Variants in WWOX observed in about 807,000 individuals in gnomAD.
WWOX encodes the protein WW domain containing oxidoreductase.
Under a neutral mutation model 46.2 loss-of-function variants are expected in WWOX, and 69 were observed. That is an observed-to-expected ratio of 1.49 (90% CI 1.23 to 1.82). The LOEUF is 1.82. Among genes scored for constraint, WWOX ranks in the 40% most tolerant of loss-of-function variants. The probability of loss-of-function intolerance (pLI) is 0.00; values close to 1 mark genes in which losing one functional copy is unlikely to be tolerated. For missense variants in WWOX, 919 were observed against 542.6 expected, an observed-to-expected ratio of 1.69 and a Z score of -6.89; for synonymous variants, 359 against 202.6, an observed-to-expected ratio of 1.77 and a Z score of -6.56.
At chr16:78,541,719 T>C (rs993894586) in intron 8 of WWOX, among the ~76,000 whole-genome samples, 5 of 151,900 alleles carry the variant, frequency 3.3e-5, no homozygotes, top group Non-Finnish European at 7.4e-5. Context: ...CAGGTCCTTA[T>C]CTGTAAGGTG....
At position 78,254,502 on chromosome 16, in the gene WWOX, G is replaced by GTTTTTTTTTTTTTTTTT. The variant is rs59706959; in HGVS notation, c.516+90214_516+90230dup. ...CACTTTTCTTTTTCTTTTCTTTCTT[G>GTTTTTTTTTTTTTTTTT]TTTTTTTTTTTTTTTTTGTTTGACA... On this transcript the variant is annotated intron_variant, in intron 5 of 8. Transcript: ENST00000566780. Among the ~76,000 whole-genome samples the GTTTTTTTTTTTTTTTTT allele has an allele frequency of 2.1e-4, 19 of 91,644 alleles. 1 individual carries two copies. The highest frequency in any genetic ancestry group is 9.3e-4 in the African/African-American group (18 of 19,280). 60.1% of individuals were successfully genotyped at this position (91,644 alleles called of 152,430 possible).
At chr16:78,342,826 C>T (rs898578304) in intron 5 of WWOX, among the ~76,000 whole-genome samples, 2 of 120,292 alleles carry the variant, frequency 1.7e-5, no homozygotes, top group East Asian at 1.9e-4. Flanking sequence ...ACCGAGGTGT[C>T]GGAGTAGCAG....
intron 6 of WWOX, among the ~76,000 whole-genome samples, chr16:78,399,290 C>T (rs1462388778): frequency 6.6e-6 from 1 of 152,120 alleles, no homozygotes; most frequent in South Asian, 2.1e-4. Context: ...TTGATACCTC[C>T]TTGGGTGGCA....
intron 8 of WWOX, among the ~76,000 whole-genome samples, chr16:79,141,143 C>T (rs886557124): frequency 2.6e-5 from 4 of 152,164 alleles, no homozygotes; most frequent in Non-Finnish European, 4.4e-5. Flanking sequence ...AAATACATAT[C>T]GGATTGCCTC....
chr16:78,192,582 A>G (rs1179273560), intron 5 of WWOX, among the ~76,000 whole-genome samples: 1 of 152,142 alleles, frequency 6.6e-6, no homozygotes, highest in Non-Finnish European at 1.5e-5. Flanking sequence ...TATGTGGCAC[A>G]CATTATAGTG....
Position 78,710,473 on chromosome 16 carries a change from CATATATATAT to C in WWOX, c.1056+277738_1056+277747del, listed in dbSNP as rs544025863. Among the ~76,000 whole-genome samples the C allele has an allele frequency of 8.2e-4, 52 of 63,622 alleles. 3 individuals are homozygous for C. The highest frequency in any genetic ancestry group is 0.016 in the Middle Eastern group (2 of 124). 41.7% of individuals were successfully genotyped at this position (63,622 alleles called of 152,430 possible). ...TGATGCAATTAAAGCTAATGGATCT[CATATATATAT>C]ATATATATATATATATTTATATAAA... On this transcript the variant is annotated intron_variant, in intron 8 of 8. Coordinates refer to ENST00000566780, the MANE Select transcript of WWOX (RefSeq NM_016373.4).
chr16:79,051,644 C>G (rs1209275518), intron 8 of WWOX, among the ~76,000 whole-genome samples: 1 of 152,192 alleles, frequency 6.6e-6, no homozygotes, highest in Non-Finnish European at 1.5e-5. Flanking sequence ...TAGTGTTATC[C>G]TTTCATGCCA....
chr16:78,900,710 A>G (rs1834732793), intron 8 of WWOX, among the ~76,000 whole-genome samples: 1 of 152,200 alleles, frequency 6.6e-6, no homozygotes, highest in Admixed American at 6.5e-5. Context: ...TTCATTTTGA[A>G]TCAATGGAAT....
At chr16:78,176,960 T>C (rs1281314184) in intron 5 of WWOX, among the ~76,000 whole-genome samples, 1 of 152,202 alleles carries the variant, frequency 6.6e-6, no homozygotes, top group Non-Finnish European at 1.5e-5. Flanking sequence ...GCATGGTCCC[T>C]GACCTGCAGC....
chr16:78,866,723 C>G (rs1401932553), intron 8 of WWOX, among the ~76,000 whole-genome samples: 1 of 152,160 alleles, frequency 6.6e-6, no homozygotes, highest in Non-Finnish European at 1.5e-5. Context: ...AGGACATTGG[C>G]AATAAACCAG....
rs2080926132 is a variant in WWOX, at chr16:78,337,746, A to AGCGG, written c.517-49114_517-49113insGCGG. ...AGAGGATCTCAGTGCTCAGAATGAA[A>AGCGG]TATCCCTGTACTCCAAGATGCCTCC... On this transcript the variant is annotated intron_variant, in intron 5 of 8. Transcript: ENST00000566780. Among the ~76,000 whole-genome samples, 12 of 56,218 alleles carry AGCGG rather than the reference A, an allele frequency of 2.1e-4. 4 individuals carry two copies. The highest frequency in any genetic ancestry group is 1.2e-3 in the South Asian group (3 of 2,432). 36.9% of individuals were successfully genotyped at this position (56,218 alleles called of 152,430 possible). A position where few individuals can be genotyped will look rare whatever the true frequency, so the allele number is the denominator to read the frequency against.
At chr16:78,827,335 C>G (rs1188426344) in intron 8 of WWOX, among the ~76,000 whole-genome samples, 4 of 152,118 alleles carry the variant, frequency 2.6e-5, no homozygotes, top group Admixed American at 1.3e-4. Context: ...GCACGATGAT[C>G]TTGACCATTT....
intron 8 of WWOX, among the ~76,000 whole-genome samples, chr16:78,748,742 T>C (rs1484295797): frequency 6.6e-6 from 1 of 152,212 alleles, no homozygotes; most frequent in Non-Finnish European, 1.5e-5. Context: ...TTATTTTTCA[T>C]GCACACTCGG....
intron 8 of WWOX, chr16:79,206,404 G>A (rs184830758): frequency 6.6e-6 from 1 of 152,322 alleles, no homozygotes; most frequent in Admixed American, 6.5e-5. Context: ...TTATCTGTAT[G>A]GCTTTGGACG....
At chr16:78,461,831 A>G (rs2083957750) in intron 8 of WWOX, among the ~76,000 whole-genome samples, 1 of 152,156 alleles carries the variant, frequency 6.6e-6, no homozygotes, top group African/African-American at 2.4e-5. Flanking sequence ...AGGGGAGGAA[A>G]ATGTTTTTCT....
intron 8 of WWOX, among the ~76,000 whole-genome samples, chr16:78,976,792 G>T (rs2046581367): frequency 6.6e-6 from 1 of 152,206 alleles, no homozygotes; most frequent in Admixed American, 6.5e-5. Context: ...CCATGAGGCA[G>T]ATCTTAGTGC....
At chr16:78,838,265 C>CA (rs1318164023) in intron 8 of WWOX, among the ~76,000 whole-genome samples, 5 of 151,816 alleles carry the variant, frequency 3.3e-5, no homozygotes, top group Non-Finnish European at 5.9e-5. Flanking sequence ...AAGCGAGCGT[C>CA]AAAAAAAGAC....
chr16:79,148,212 G>A (rs964846552), intron 8 of WWOX, among the ~76,000 whole-genome samples: 3 of 151,832 alleles, frequency 2.0e-5, no homozygotes, highest in Non-Finnish European at 4.4e-5. Context: ...TTTGCATTTT[G>A]CATGTATGCC....
In WWOX at chr16:78,344,027, AT is replaced by A. The variant is rs1258044442; in HGVS notation, c.517-42824del. On this transcript the variant is annotated intron_variant, in intron 5 of 8. Coordinates refer to ENST00000566780, the MANE Select transcript of WWOX (RefSeq NM_016373.4). Reference sequence around the variant, plus strand: ...GCTCCTTCCTCCCACATCACCCCACATTTTTTTTTCTTTCTCCTCACCATCA... The same window carrying A: ...GCTCCTTCCTCCCACATCACCCCACATTTTTTTTCTTTCTCCTCACCATCA... 2.3e-4 allele frequency among the ~76,000 whole-genome samples: 26 copies of A among 113,578 alleles called. 2 individuals carry two copies. The highest frequency in any genetic ancestry group is 2.0e-3 in the East Asian group (10 of 5,046). 74.5% of individuals were successfully genotyped at this position (113,578 alleles called of 152,430 possible). A position where few individuals can be genotyped will look rare whatever the true frequency, so the allele number is the denominator to read the frequency against.
Sources: allele counts gnomAD v4.1 joint callset (sites outside exome capture counted in the v4.1 genomes callset), GRCh38; gene constraint gnomAD v4.1.1; transcripts MANE v1.5; gene names NCBI Gene and HGNC (gene_info 2026-07-23, HGNC 2026-07-21).